Variants in NT5DC3 observed in about 807,000 individuals in gnomAD.
NT5DC3 encodes 5'-nucleotidase domain containing 3, also known as 5'-nucleotidase domain-containing protein 3.
Under a neutral mutation model 67.8 loss-of-function variants are expected in NT5DC3, and 42 were observed. The observed-to-expected ratio is 0.62, with a 90% confidence interval of 0.48 to 0.80. NT5DC3 has a LOEUF of 0.80. Ranked by LOEUF, NT5DC3 falls within the 30% of genes least tolerant of loss-of-function variation. NT5DC3 has a pLI of 0.00. For missense variants in NT5DC3, 570 were observed against 696.4 expected (o/e 0.82, Z 2.04); for synonymous variants, 237 against 255.6 (o/e 0.93, Z 0.69).
intron 2 of NT5DC3, among the ~76,000 whole-genome samples, chr12:103,808,654 G>A (rs1457510078): frequency 2.0e-5 from 3 of 152,166 alleles, no homozygotes; most frequent in Non-Finnish European, 2.9e-5. Flanking sequence ...ATTCATGGGC[G>A]TTTCCAAGAA....
rs187512280 is a variant in NT5DC3 at position 103,775,487 on chromosome 12, A to C, written c.*2342T>G. ...CAAGAATTATTTTTAAGCAACACCT[A>C]CTTCCTGAATCTGCTTCTCCAAAGC... On this transcript the variant is annotated 3_prime_UTR_variant, in exon 14 of 14. Transcript: ENST00000392876. The C allele has an allele frequency of 5.9e-5, 9 of 152,232 alleles. No individual in the cohort carries two copies. Among genetic ancestry groups the C allele is most frequent in the Non-Finnish European group, 1.2e-4 (8 of 68,044 alleles). The allele number at this position is 152,232 out of a possible 1,614,324, so 9.4% of individuals were successfully genotyped here. A position where few individuals can be genotyped will look rare whatever the true frequency, so the allele number is the denominator to read the frequency against.
chr12:103,749,185 G>A, the NT5DC3 span: 1 of 1,573,330 alleles, frequency 6.4e-7, no homozygotes, highest in Non-Finnish European at 8.7e-7. Context: ...GGGAAATTTG[G>A]GAGCAGCGCC....
intron 13 of NT5DC3, among the ~76,000 whole-genome samples, chr12:103,779,816 C>T (rs1259974419): frequency 6.6e-6 from 1 of 152,204 alleles, no homozygotes; most frequent in Non-Finnish European, 1.5e-5. Context: ...TTATGGCAGG[C>T]AGGCTTTCTT....
At chr12:103,814,719 C>T (rs964261935) in intron 2 of NT5DC3, among the ~76,000 whole-genome samples, 3 of 152,200 alleles carry the variant, frequency 2.0e-5, no homozygotes, top group African/African-American at 7.2e-5. Context: ...TAATGCACAT[C>T]TTGGGAAGGT....
chr12:103,773,892 AC>A lies in NT5DC3; in HGVS notation c.*3936del, dbSNP rs1885257414. On this transcript the variant is annotated 3_prime_UTR_variant, in exon 14 of 14. Transcript: ENST00000392876. The stretch of plus-strand genomic sequence containing the variant: ...TAAGAGTGCCAATGCATTCAAAGCA[AC>A]TAGTAATTGTAGTCTGTAATATGCC... 3 of 152,682 alleles carry A rather than the reference AC, an allele frequency of 2.0e-5. No individual in the cohort carries two copies. The South Asian group carries it at 6.2e-4, about 32-fold the overall frequency. 9.5% of individuals were successfully genotyped at this position (152,682 alleles called of 1,614,324 possible). A position where few individuals can be genotyped will look rare whatever the true frequency, so the allele number is the denominator to read the frequency against.
Position 103,793,264 on chromosome 12 carries a change from C to T in NT5DC3, c.919G>A (p.Asp307Asn). 1 of 1,607,490 alleles carries T rather than the reference C, an allele frequency of 6.2e-7. No individual in the cohort carries two copies. Among genetic ancestry groups the T allele is most frequent in the African/African-American group, 1.3e-5 (1 of 74,690 alleles). ...CCAACGATATAACTCATCCCTTTGT[C>T]CCTAGGGCAACAAGTCAGCCAGGTT... is the stretch of plus-strand genomic sequence containing the variant. Reference protein sequence around the residue: ...LITNSPSSFVDKGMSYIVGKD... With the variant: ...LITNSPSSFVNKGMSYIVGKD... The change falls in exon 9 of 14, where the codon GAC becomes AAC. Residue 307 changes from aspartate (D) to asparagine (N), a missense_variant and splice_region_variant. Physicochemically the swap from Asp to Asn is conservative, Grantham distance 23. This residue lies in a region of NT5DC3 where 466 missense variants were observed against 608.0 expected (regional missense o/e 0.77). Coordinates refer to ENST00000392876, the MANE Select transcript of NT5DC3 (RefSeq NM_001031701.3).
At chr12:103,788,711 C>T (rs1593390369) in intron 10 of NT5DC3, 127 bp downstream of exon 10, 1 of 666,168 alleles carries the variant, frequency 1.5e-6, no homozygotes, top group East Asian at 2.5e-5. Flanking sequence ...AAGTTATAAT[C>T]AATCAGTTCA....
At chr12:103,808,482 G>A (rs1886895932) in intron 2 of NT5DC3, among the ~76,000 whole-genome samples, 1 of 152,226 alleles carries the variant, frequency 6.6e-6, no homozygotes, top group Non-Finnish European at 1.5e-5. Context: ...TTCATAGCCA[G>A]GGTTCCATTT....
chr12:103,819,290 G>A (rs558611963), intron 1 of NT5DC3, among the ~76,000 whole-genome samples: 21 of 152,276 alleles, frequency 1.4e-4, no homozygotes, highest in African/African-American at 5.1e-4. Flanking sequence ...GAAAAGTTAA[G>A]AACAAACATG....
intron 6 of NT5DC3, 137 bp from the exon 7 acceptor site, chr12:103,794,134 T>G: frequency 6.9e-6 from 4 of 575,608 alleles, no homozygotes; most frequent in Admixed American, 3.2e-5. Context: ...ATCTAAATTC[T>G]GGTCCATTTT....
At chr12:103,780,232 A>C in intron 13 of NT5DC3, 68 bp downstream of exon 13, 38 of 1,267,530 alleles carry the variant, frequency 3.0e-5, no homozygotes, top group Non-Finnish European at 4.3e-5. Context: ...GCCCTGGGGA[A>C]CACATGTGGG....
At chr12:103,763,392 G>C in the NT5DC3 span, 59,240 of 889,722 alleles carry the variant, frequency 0.067, 4,677 homozygotes, top group African/African-American at 0.34. Context: ...AAAAGGAAAA[G>C]CTCCCAGAGG....
intron 6 of NT5DC3, 138 bp from the exon 7 acceptor site, chr12:103,794,135 G>A (rs1886193809): frequency 1.7e-6 from 1 of 580,526 alleles, no homozygotes; most frequent in African/African-American, 2.0e-5. Context: ...TCTAAATTCT[G>A]GTCCATTTTC....
the NT5DC3 span, among the ~76,000 whole-genome samples, chr12:103,764,538 A>AT: frequency 1.3e-5 from 2 of 152,212 alleles, no homozygotes; most frequent in Non-Finnish European, 2.9e-5. Context: ...CTGTAGTTTA[A>AT]TACCAGTTCT....
At chr12:103,821,159 A>T (rs1201976499) in intron 1 of NT5DC3, among the ~76,000 whole-genome samples, 6 of 152,248 alleles carry the variant, frequency 3.9e-5, no homozygotes, top group African/African-American at 1.2e-4. Flanking sequence ...CTAAGCCACC[A>T]CGTGGAGCTG....
chr12:103,746,674 G>A, the NT5DC3 span: 1 of 1,614,054 alleles, frequency 6.2e-7, no homozygotes, highest in South Asian at 1.1e-5. Context: ...GTGTAACCTG[G>A]ATTATGAAGG....
downstream of NT5DC3, among the ~76,000 whole-genome samples, chr12:103,769,464 C>T (rs1885134524): frequency 6.6e-6 from 1 of 152,282 alleles, no homozygotes; most frequent in African/African-American, 2.4e-5. Flanking sequence ...CCCCAACACA[C>T]GTGCCCTGCA....
At chr12:103,840,637 A>T (rs1566138094) in intron 1 of NT5DC3, among the ~76,000 whole-genome samples, 1 of 152,054 alleles carries the variant, frequency 6.6e-6, no homozygotes, top group Non-Finnish European at 1.5e-5. Context: ...GGCCTGAGGA[A>T]CCCCAGCCCC....
intron 12 of NT5DC3, among the ~76,000 whole-genome samples, chr12:103,781,123 C>T (rs1168280736): frequency 6.6e-6 from 1 of 152,160 alleles, no homozygotes; most frequent in African/African-American, 2.4e-5. Flanking sequence ...TCTCACAAGT[C>T]CCTCTCCAAG....
Sources: allele counts gnomAD v4.1 joint callset (sites outside exome capture counted in the v4.1 genomes callset), GRCh38; gene constraint gnomAD v4.1.1; regional missense constraint gnomAD v4.1.1; transcripts MANE v1.5; gene names NCBI Gene and HGNC (gene_info 2026-07-23, HGNC 2026-07-21).